Variants in COL13A1 observed in about 807,000 individuals in gnomAD.
COL13A1 encodes the protein collagen alpha-1(XIII) chain.
A neutral mutation model predicts 130.9 loss-of-function variants in COL13A1; 89 were observed. The observed-to-expected ratio is 0.68, with a 90% CI of 0.57 to 0.81. The LOEUF (loss-of-function observed/expected upper bound fraction) is 0.81, where lower values mean the gene tolerates loss of function less well. Among genes scored for constraint, COL13A1 ranks in the 30% least tolerant of loss-of-function variants. COL13A1 has a pLI of 0.00. For synonymous variants in COL13A1, 402 were observed against 341.6 expected (o/e 1.18, Z -1.95); for missense variants, 879 against 934.6 (o/e 0.94, Z 0.78).
At chr10:69,949,062 C>T (rs1250427875) in intron 38 of COL13A1, among the ~76,000 whole-genome samples, 1 of 152,230 alleles carries the variant, frequency 6.6e-6, no homozygotes, top group African/African-American at 2.4e-5. Context: ...AGCCAATTGA[C>T]TTATTCCCAA....
At chr10:69,943,197 C>A (rs1404743316) in intron 35 of COL13A1, among the ~76,000 whole-genome samples, 2 of 152,204 alleles carry the variant, frequency 1.3e-5, no homozygotes, top group Admixed American at 6.5e-5. Flanking sequence ...CCTTCCTTCC[C>A]TCCTTGTGGT....
intron 2 of COL13A1, among the ~76,000 whole-genome samples, chr10:69,831,770 T>C (rs1848869998): frequency 6.6e-6 from 1 of 152,176 alleles, no homozygotes; most frequent in Non-Finnish European, 1.5e-5. Flanking sequence ...CCCACTGCCC[T>C]GGGAGAGGCA....
intron 31 of COL13A1, 149 bp from the exon 32 acceptor site, chr10:69,935,201 T>G: frequency 1.5e-6 from 1 of 654,156 alleles, no homozygotes; most frequent in Non-Finnish European, 2.7e-6. Flanking sequence ...TCTGAGCCTT[T>G]TTTGGGGGAT....
chr10:69,942,589 G>C (rs2067798240), intron 35 of COL13A1, among the ~76,000 whole-genome samples: 1 of 149,338 alleles, frequency 6.7e-6, no homozygotes, highest in Non-Finnish European at 1.5e-5. Flanking sequence ...GGAAAATGTG[G>C]GGAAAAAAAA....
intron 1 of COL13A1, among the ~76,000 whole-genome samples, chr10:69,819,512 GCCCTAGAGTCAGT>G (rs895188114): frequency 2.6e-5 from 4 of 152,306 alleles, no homozygotes; most frequent in African/African-American, 7.2e-5. Flanking sequence ...AGCTGGGGTG[GCCCTAGAGTCAGT>G]CCAATTTGAG....
At chr10:69,809,433 C>G (rs769794336) in intron 1 of COL13A1, among the ~76,000 whole-genome samples, 1 of 152,262 alleles carries the variant, frequency 6.6e-6, no homozygotes, top group Non-Finnish European at 1.5e-5. Flanking sequence ...TATTGATTCA[C>G]TAAATCCTCA....
At chr10:69,914,007 G>T (rs1358414824) in intron 17 of COL13A1, among the ~76,000 whole-genome samples, 1 of 152,146 alleles carries the variant, frequency 6.6e-6, no homozygotes, top group African/African-American at 2.4e-5. Flanking sequence ...AGGCTCCTGG[G>T]GCTCTGATTT....
chr10:69,889,143 G>A (rs181390558), intron 9 of COL13A1, among the ~76,000 whole-genome samples: 7 of 152,358 alleles, frequency 4.6e-5, no homozygotes, highest in Admixed American at 3.9e-4. Context: ...TGGCATGAGC[G>A]TTGGGGTCTA....
At chr10:69,855,081 C>G (rs1318725209) in intron 2 of COL13A1, among the ~76,000 whole-genome samples, 2 of 152,284 alleles carry the variant, frequency 1.3e-5, no homozygotes, top group African/African-American at 2.4e-5. Flanking sequence ...ACCTATGGAG[C>G]CTGGGTGTTT....
chr10:69,922,084 C>G, intron 22 of COL13A1, 149 bp downstream of exon 22: 1 of 1,104,752 alleles, frequency 9.1e-7, no homozygotes, highest in South Asian at 1.7e-5. Flanking sequence ...TTCTGTTTGT[C>G]GAGGGAGAGG....
intron 27 of COL13A1, among the ~76,000 whole-genome samples, chr10:69,928,668 G>T (rs368673366): frequency 6.6e-6 from 1 of 152,144 alleles, no homozygotes; most frequent in Non-Finnish European, 1.5e-5. Flanking sequence ...CCCAAAGGGC[G>T]ACCAGAGATG....
intron 3 of COL13A1, among the ~76,000 whole-genome samples, chr10:69,870,251 C>A (rs1434936046): frequency 6.6e-6 from 1 of 151,250 alleles, no homozygotes. Flanking sequence ...TAGATGATGC[C>A]CAAAGGTGTT....
chr10:69,872,435 G>A (rs1221833120), intron 4 of COL13A1, among the ~76,000 whole-genome samples: 2 of 152,192 alleles, frequency 1.3e-5, no homozygotes, highest in Admixed American at 1.3e-4. Flanking sequence ...AGCCCTTGGT[G>A]TGCCTTTGCC....
At chr10:69,855,336 C>G (rs986156078) in intron 2 of COL13A1, among the ~76,000 whole-genome samples, 4 of 152,222 alleles carry the variant, frequency 2.6e-5, no homozygotes, top group Non-Finnish European at 4.4e-5. Flanking sequence ...CACAGTTACA[C>G]ATGCACGCCT....
rs60054259 is a variant in COL13A1, at chr10:69,904,905, CT to C, written c.859-11del. 0.2 allele frequency: 274,099 copies of C among 1,367,106 alleles called. 413 individuals carry two copies. The highest frequency in any genetic ancestry group is 0.21 in the Non-Finnish European group (219,211 of 1,021,810). 84.7% of individuals were successfully genotyped at this position (1,367,106 alleles called of 1,614,324 possible). A position where few individuals can be genotyped will look rare whatever the true frequency, so the allele number is the denominator to read the frequency against. On this transcript the variant is annotated intron_variant, in intron 15 of 40. Transcript: ENST00000645393. ...CAGCTCTACTCACCTTTTCTTTTTT[CT>C]TTTTTTTTTTTTTTTTGCTTCCACA...
intron 9 of COL13A1, among the ~76,000 whole-genome samples, 152 bp from the exon 10 acceptor site, chr10:69,889,262 A>G (rs2060916095): frequency 1.3e-5 from 2 of 152,148 alleles, no homozygotes; most frequent in African/African-American, 4.8e-5. Flanking sequence ...GAAGGAGTGC[A>G]CAAGCCAGAA....
rs1458905402 is a variant in COL13A1 at position 69,927,505 on chromosome 10, C to T, written c.1422+395C>T. ...TAAATCCTGAAAAACTAGTAGCAAC[C>T]TACCACGTATCCCCCTTTCCTGGAA... On this transcript the variant is annotated intron_variant, in intron 27 of 40. Coordinates refer to ENST00000645393, the MANE Select transcript of COL13A1 (RefSeq NM_001368882.1). 2.0e-5 allele frequency among the ~76,000 whole-genome samples: 3 copies of T among 152,164 alleles called. No homozygotes were observed. In the East Asian group the frequency reaches 5.8e-4, roughly 29 times the overall value.
intron 2 of COL13A1, among the ~76,000 whole-genome samples, chr10:69,862,706 C>T (rs114500405): frequency 0.013 from 1,965 of 152,272 alleles, 48 homozygotes; most frequent in African/African-American, 0.045. Context: ...CCCATGGTCC[C>T]GGGAGGCAGG....
At chr10:69,951,515 C>G (rs1054499346) in intron 38 of COL13A1, among the ~76,000 whole-genome samples, 6 of 152,092 alleles carry the variant, frequency 3.9e-5, no homozygotes, top group African/African-American at 1.4e-4. Flanking sequence ...CAGGGACATG[C>G]CACCACACCC....
Sources: allele counts gnomAD v4.1 joint callset (sites outside exome capture counted in the v4.1 genomes callset), GRCh38; gene constraint gnomAD v4.1.1; transcripts MANE v1.5; gene names NCBI Gene and HGNC (gene_info 2026-07-23, HGNC 2026-07-21).